PDE1B: variants seen among roughly 807,000 people sequenced by gnomAD.
The protein encoded by PDE1B is phosphodiesterase 1B, also known as dual specificity calcium/calmodulin-dependent 3',5'-cyclic nucleotide phosphodiesterase 1B.
In PDE1B, 13 loss-of-function variants were observed where a neutral mutation model predicts 66.7. The observed-to-expected ratio is 0.19, with a 90% CI of 0.13 to 0.31. The LOEUF (loss-of-function observed/expected upper bound fraction) is 0.31. PDE1B is among the 10% of genes least tolerant of loss of function. The probability of loss-of-function intolerance (pLI) is 1.00; values close to 1 mark genes in which losing one functional copy is unlikely to be tolerated. For synonymous variants in PDE1B, 230 were observed against 253.9 expected (o/e 0.91, Z 0.90); for missense variants, 485 against 682.3 (o/e 0.71, Z 3.22).
intron 15 of PDE1B, 121 bp downstream of exon 15, chr12:54,577,466 G>T: frequency 6.2e-7 from 1 of 1,602,408 alleles, no homozygotes; most frequent in Non-Finnish European, 8.5e-7. Context: ...GTAAAATGGA[G>T]CGAGTGAAGA....
Position 54,575,598 on chromosome 12 carries a change from C to A in PDE1B, c.1233C>A (p.Asp411Glu). The A allele has an allele frequency of 6.2e-7, 1 of 1,613,306 alleles. No individual in the cohort carries two copies. Among genetic ancestry groups the A allele is most frequent in the Non-Finnish European group, 8.5e-7 (1 of 1,179,522 alleles). Residue 411 changes from aspartate to glutamate, a missense_variant, in exon 12 of 16, where the codon GAC becomes GAA. By Grantham distance (45) the Asp-to-Glu change is conservative (BLOSUM62 2). This residue lies in a region of PDE1B where 282 missense variants were observed against 453.4 expected (regional missense o/e 0.62). Coordinates refer to ENST00000243052, the MANE Select transcript of PDE1B (RefSeq NM_000924.4). The surrounding 1 kb of genome is among the most constrained non-coding windows in gnomAD (Gnocchi z 4.0). ...ELGLPFSPLC[D>E]RTSTLVAQSQ... ...GCCTGCCCTTTTCTCCACTCTGTGACCGCACTTCCACTCTAGTGGCACAGT... is the reference window on the plus strand; with the variant it reads ...GCCTGCCCTTTTCTCCACTCTGTGAACGCACTTCCACTCTAGTGGCACAGT...
At chr12:54,570,542 C>T in intron 6 of PDE1B, 185 bp downstream of exon 6, 1 of 577,248 alleles carries the variant, frequency 1.7e-6, no homozygotes, top group Non-Finnish European at 3.1e-6. Context: ...TTCCAGACTT[C>T]ATTAATTGAT....
At chr12:54,567,554 G>A (rs1957538090) in intron 3 of PDE1B, among the ~76,000 whole-genome samples, 1 of 151,598 alleles carries the variant, frequency 6.6e-6, no homozygotes, top group African/African-American at 2.4e-5. Context: ...AGAGCTCCAG[G>A]TATCCAGGGA....
intron 5 of PDE1B, 49 bp from the exon 6 acceptor site, chr12:54,570,192 C>A: frequency 1.8e-6 from 2 of 1,138,900 alleles, no homozygotes; most frequent in South Asian, 1.2e-5. Context: ...AGTCTAACTT[C>A]AACCCTTGCT....
At chr12:54,558,671 C>G (rs1957370066) in intron 2 of PDE1B, among the ~76,000 whole-genome samples, 1 of 152,146 alleles carries the variant, frequency 6.6e-6, no homozygotes, top group Non-Finnish European at 1.5e-5. Flanking sequence ...GAATAAGAAG[C>G]CAGAGAGAAG....
In PDE1B at chr12:54,573,720, G is replaced by C. The variant is rs1419926719; in HGVS notation, c.1064+11G>C. 6.2e-7 allele frequency: 1 copy of C among 1,606,952 alleles called. No homozygotes were observed. ...GCAACAGCTGGAGAGGTGGCATCTGGTGGGGTGTGGCTGGGGCCAGGCCAG... is the reference window on the plus strand; with the variant it reads ...GCAACAGCTGGAGAGGTGGCATCTGCTGGGGTGTGGCTGGGGCCAGGCCAG... On this transcript the variant is annotated intron_variant, in intron 10 of 15. Coordinates refer to ENST00000243052, the MANE Select transcript of PDE1B (RefSeq NM_000924.4). This position sits in a 1 kb window ranked among gnomAD's most constrained non-coding sequence, Gnocchi z 5.2.
intron 14 of PDE1B, 64 bp from the exon 15 acceptor site, chr12:54,577,161 T>A: frequency 7.4e-7 from 1 of 1,348,498 alleles, no homozygotes; most frequent in Non-Finnish European, 1.1e-6. Context: ...CTCCACATAC[T>A]CCTTGGGTTC....
intron 2 of PDE1B, among the ~76,000 whole-genome samples, chr12:54,553,686 G>A (rs994021898): frequency 9.9e-5 from 15 of 152,102 alleles, no homozygotes; most frequent in African/African-American, 3.6e-4. Context: ...GTTGAGTGGC[G>A]GGGGGAGGAG....
chr12:54,567,227 C>T (rs946050514), intron 3 of PDE1B, 140 bp downstream of exon 3: 11 of 514,472 alleles, frequency 2.1e-5, no homozygotes, highest in Non-Finnish European at 3.8e-5. Context: ...ATAAAGAGCT[C>T]TAGGTAGTGG....
intron 6 of PDE1B, chr12:54,571,790 C>G (rs1266212221): frequency 6.6e-6 from 1 of 152,216 alleles, no homozygotes; most frequent in Non-Finnish European, 1.5e-5. Context: ...ATTTGGGGCA[C>G]AGCCCTCCAG....
intron 2 of PDE1B, among the ~76,000 whole-genome samples, chr12:54,562,386 A>T (rs976260553): frequency 3.3e-5 from 5 of 152,170 alleles, no homozygotes; most frequent in Non-Finnish European, 7.3e-5. Flanking sequence ...GCAGGGACTG[A>T]AGGTAAAGCA....
rs1019232799 is a variant in PDE1B, at chr12:54,569,995, C to T, written c.478-246C>T. ...GATTACAGACGTGAGCCACTGCGCC[C>T]GGCCTGCCTTCCCTTTTAACTGTTG... is the stretch of plus-strand genomic sequence containing the variant. On this transcript the variant is annotated intron_variant, in intron 5 of 15. Transcript: ENST00000243052. This position sits in a 1 kb window ranked among gnomAD's most constrained non-coding sequence, Gnocchi z 4.4. 7.2e-5 allele frequency among the ~76,000 whole-genome samples: 11 copies of T among 152,174 alleles called. No individual in the cohort carries two copies. Among genetic ancestry groups the T allele is most frequent in the Non-Finnish European group, 1.6e-4 (11 of 68,016 alleles).
chr12:54,573,568 G>A lies in PDE1B; in HGVS notation c.963-40G>A, dbSNP rs760734766. 19 of 1,610,150 alleles carry A rather than the reference G, an allele frequency of 1.2e-5. 1 individual carries two copies. The highest frequency in any genetic ancestry group is 3.3e-5 in the Admixed American group (2 of 60,000). Reference sequence around the variant, plus strand: ...CTTCCTGGACCTCCTGCCCAGCAGCGCTGAGGGGACTGATTGCTTCTCTTT... The same window carrying A: ...CTTCCTGGACCTCCTGCCCAGCAGCACTGAGGGGACTGATTGCTTCTCTTT... On this transcript the variant is annotated intron_variant, in intron 9 of 15. Coordinates refer to ENST00000243052, the MANE Select transcript of PDE1B (RefSeq NM_000924.4). The surrounding 1 kb of genome is among the most constrained non-coding windows in gnomAD (Gnocchi z 5.2).
chr12:54,561,572 A>C, intron 2 of PDE1B: 1 of 1,518,162 alleles, frequency 6.6e-7, no homozygotes, highest in Non-Finnish European at 8.8e-7. Context: ...TGAAGCAGGA[A>C]ACTTTGATTC....
rs1957760006 is a variant in PDE1B at position 54,576,777 on chromosome 12, T to C, written c.1507+76T>C. 3 of 1,478,676 alleles carry C rather than the reference T, an allele frequency of 2.0e-6. No individual in the cohort carries two copies. In the East Asian group the frequency reaches 7.4e-5, roughly 37 times the overall value. 91.6% of individuals were successfully genotyped at this position (1,478,676 alleles called of 1,614,324 possible). ...GGAGCACTAGGAGGTCCATTTTTCT[T>C]AAGCCCCTGGGGAAACCCTTTGCCG... On this transcript the variant is annotated intron_variant, in intron 14 of 15. Coordinates refer to ENST00000243052, the MANE Select transcript of PDE1B (RefSeq NM_000924.4).
intron 3 of PDE1B, among the ~76,000 whole-genome samples, chr12:54,568,768 C>G (rs1389315386): frequency 6.6e-6 from 1 of 152,080 alleles, no homozygotes; most frequent in Non-Finnish European, 1.5e-5. Context: ...TGCACTCCAG[C>G]CTGGGCAACG....
chr12:54,566,446 C>A (rs1565697946), intron 2 of PDE1B, among the ~76,000 whole-genome samples: 1 of 152,228 alleles, frequency 6.6e-6, no homozygotes, highest in African/African-American at 2.4e-5. Flanking sequence ...TTTTGCCATG[C>A]CTGCCAGGCA....
At chr12:54,555,498 G>A (rs547222599) in intron 2 of PDE1B, among the ~76,000 whole-genome samples, 17 of 152,292 alleles carry the variant, frequency 1.1e-4, no homozygotes, top group African/African-American at 3.9e-4. Context: ...AAGGCCAGGT[G>A]AGATGCTCAG....
intron 2 of PDE1B, among the ~76,000 whole-genome samples, chr12:54,552,843 T>C (rs929813731): frequency 6.6e-6 from 1 of 152,198 alleles, no homozygotes; most frequent in Admixed American, 6.5e-5. Context: ...AGAGGAAGTA[T>C]TTGACTTGGC....
Sources: allele counts gnomAD v4.1 joint callset (sites outside exome capture counted in the v4.1 genomes callset), GRCh38; gene constraint gnomAD v4.1.1; regional missense constraint gnomAD v4.1.1; non-coding constraint Gnocchi (gnomAD v3.1); transcripts MANE v1.5; gene names NCBI Gene and HGNC (gene_info 2026-07-23, HGNC 2026-07-21).